The following AFG2A variants were observed in gnomAD, a reference collection of about 807,000 sequenced individuals.
AFG2A encodes the protein AAA ATPase AFG2A.
the AFG2A span, chr4:122,927,703 C>CA: frequency 6.2e-7 from 1 of 1,613,146 alleles, no homozygotes; most frequent in Non-Finnish European, 8.5e-7. Context: ...ATGAAGTCTG[C>CA]AAATATATGT....
At chr4:123,159,004 CT>C in the AFG2A span, among the ~76,000 whole-genome samples, 1 of 152,188 alleles carries the variant, frequency 6.6e-6, no homozygotes, top group Non-Finnish European at 1.5e-5. Flanking sequence ...GTCTAACCTT[CT>C]TATTTTCAGA....
chr4:122,932,416 C>T, the AFG2A span, among the ~76,000 whole-genome samples: 1 of 152,054 alleles, frequency 6.6e-6, no homozygotes, highest in Admixed American at 6.5e-5. Context: ...TGGTCTTGAA[C>T]TCCTGAGCTC....
At chr4:122,987,701 T>C in the AFG2A span, among the ~76,000 whole-genome samples, 6 of 152,214 alleles carry the variant, frequency 3.9e-5, no homozygotes, top group Non-Finnish European at 4.4e-5. Context: ...CTCTACTCTT[T>C]AATTTCTCCT....
chr4:123,149,968 A>G, the AFG2A span, among the ~76,000 whole-genome samples: 1 of 152,082 alleles, frequency 6.6e-6, no homozygotes, highest in African/African-American at 2.4e-5. Flanking sequence ...CTGTAGTTCA[A>G]CATATGCAAA....
the AFG2A span, among the ~76,000 whole-genome samples, chr4:123,143,802 C>G: frequency 4.1e-5 from 6 of 146,134 alleles, no homozygotes. Context: ...AGCTTGACTT[C>G]ATTCAGGGAT....
chr4:123,221,782 A>G, the AFG2A span, among the ~76,000 whole-genome samples: 2 of 151,734 alleles, frequency 1.3e-5, no homozygotes, highest in Non-Finnish European at 2.9e-5. Context: ...AAAAAATTAG[A>G]CAGGCATAGT....
chr4:123,249,535 T>C, the AFG2A span, among the ~76,000 whole-genome samples: 5 of 152,030 alleles, frequency 3.3e-5, no homozygotes, highest in Non-Finnish European at 5.9e-5. Context: ...ATGATGTAGA[T>C]AAAGCAAGGA....
the AFG2A span, among the ~76,000 whole-genome samples, chr4:123,269,198 A>C: frequency 6.6e-6 from 1 of 152,184 alleles, no homozygotes; most frequent in East Asian, 1.9e-4. Flanking sequence ...CCCCTCCATC[A>C]AATAAAGCCG....
chr4:123,034,575 A>AAG, the AFG2A span, among the ~76,000 whole-genome samples: 2 of 151,654 alleles, frequency 1.3e-5, no homozygotes, highest in Admixed American at 1.3e-4. Context: ...TGGAATGAAA[A>AAG]AAAAAAAAAG....
At chr4:123,099,146 C>T in the AFG2A span, among the ~76,000 whole-genome samples, 1 of 152,032 alleles carries the variant, frequency 6.6e-6, no homozygotes, top group East Asian at 1.9e-4. Flanking sequence ...TACCTGTTGG[C>T]TATTTGTATG....
At chr4:123,216,230 T>C in the AFG2A span, among the ~76,000 whole-genome samples, 1 of 152,172 alleles carries the variant, frequency 6.6e-6, no homozygotes, top group East Asian at 1.9e-4. Context: ...ATATCAGACA[T>C]CACCATATTA....
At chr4:123,249,734 A>G in the AFG2A span, among the ~76,000 whole-genome samples, 1,006 of 152,326 alleles carry the variant, frequency 6.6e-3, 13 homozygotes, top group African/African-American at 0.022. Flanking sequence ...ACAGTCTACA[A>G]TCTGTTGGGA....
chr4:123,151,324 G>C, the AFG2A span, among the ~76,000 whole-genome samples: 1 of 152,160 alleles, frequency 6.6e-6, no homozygotes. Flanking sequence ...TCATCAGAGT[G>C]AACAGGCAAC....
At chr4:123,168,924 ATTTG>A in the AFG2A span, among the ~76,000 whole-genome samples, 1 of 152,176 alleles carries the variant, frequency 6.6e-6, no homozygotes, top group Non-Finnish European at 1.5e-5. Context: ...TTATGACATG[ATTTG>A]TTTTAGAGAA....
chr4:123,298,574 A>C, the AFG2A span, among the ~76,000 whole-genome samples: 1 of 152,198 alleles, frequency 6.6e-6, no homozygotes, highest in Admixed American at 6.5e-5. Flanking sequence ...GCTGAGACAG[A>C]ATTTAGTCTA....
the AFG2A span, chr4:123,314,088 T>TCTG: frequency 6.8e-7 from 1 of 1,475,756 alleles, no homozygotes; most frequent in Non-Finnish European, 9.0e-7. Context: ...TTCAAGATGC[T>TCTG]GAAAATCCTT....
At chr4:123,206,991 C>T in the AFG2A span, among the ~76,000 whole-genome samples, 21 of 152,108 alleles carry the variant, frequency 1.4e-4, no homozygotes, top group Non-Finnish European at 2.9e-5. Flanking sequence ...AGTAACTGTA[C>T]TCACAAGAAT....
At chr4:123,162,750 C>T in the AFG2A span, among the ~76,000 whole-genome samples, 8 of 152,190 alleles carry the variant, frequency 5.3e-5, no homozygotes, top group South Asian at 1.7e-3. Context: ...TGTGGGTTGA[C>T]ATCAGGCATA....
the AFG2A span, among the ~76,000 whole-genome samples, chr4:123,240,809 AC>A: frequency 1.3e-5 from 2 of 152,222 alleles, no homozygotes; most frequent in Non-Finnish European, 2.9e-5. Flanking sequence ...ATAGACACAC[AC>A]AAAAAACCCT....
Sources: gnomAD v4.1 joint callset for allele counts (sites outside exome capture counted in the v4.1 genomes callset) on GRCh38, gnomAD v4.1.1 for gene constraint, MANE v1.5 for transcripts, NCBI Gene and HGNC (gene_info 2026-07-23, HGNC 2026-07-21) for gene names.